RARRES1: variants seen among roughly 807,000 people sequenced by gnomAD.
RARRES1 encodes the protein retinoic acid receptor responder protein 1.
In RARRES1, 34 loss-of-function variants were observed where a neutral mutation model predicts 30.6. The observed-to-expected ratio is 1.11, with a 90% CI of 0.84 to 1.48. RARRES1 has a LOEUF of 1.48. Ranked by LOEUF, RARRES1 falls within the 40% of genes most tolerant of loss-of-function variation. The pLI, the probability that RARRES1 is intolerant of heterozygous loss-of-function variation, is 0.00. For synonymous variants in RARRES1, 153 were observed against 155.5 expected (o/e 0.98, Z 0.12); for missense variants, 373 against 386.5 (o/e 0.97, Z 0.29).
In RARRES1 at chr3:158,732,196, A is replaced by G. The variant is rs1421444552; in HGVS notation, c.220T>C (p.Ser74Pro). The part of the protein sequence containing the change: ...RAALHFFNFR[S>P]GSPSALRVLA... Reference sequence around the variant, plus strand: ...ACTCGTAGCGCGCTGGGCGAGCCGGACCGGAAGTTGAAGAAGTGAAGCGCC... The same window carrying G: ...ACTCGTAGCGCGCTGGGCGAGCCGGGCCGGAAGTTGAAGAAGTGAAGCGCC... The change falls in exon 1 of 6, where the codon TCC becomes CCC. Residue 74 changes from serine to proline, a missense_variant. Coordinates refer to ENST00000237696, the MANE Select transcript of RARRES1 (RefSeq NM_206963.2). The G allele has an allele frequency of 6.3e-6, 9 of 1,422,042 alleles. No individual in the cohort carries two copies. The Admixed American group carries it at 1.2e-4, about 18-fold the overall frequency. 88.1% of individuals were successfully genotyped at this position (1,422,042 alleles called of 1,614,324 possible). A position where few individuals can be genotyped will look rare whatever the true frequency, so the allele number is the denominator to read the frequency against.
At chr3:158,717,661 C>T (rs771531827) in intron 1 of RARRES1, among the ~76,000 whole-genome samples, 1 of 152,144 alleles carries the variant, frequency 6.6e-6, no homozygotes, top group Non-Finnish European at 1.5e-5. Flanking sequence ...TTGAAAAGAT[C>T]CCTCTAGCTG....
intron 1 of RARRES1, among the ~76,000 whole-genome samples, chr3:158,719,269 A>ATTT (rs574609197): frequency 3.3e-5 from 4 of 122,142 alleles, no homozygotes; most frequent in Non-Finnish European, 6.8e-5. Flanking sequence ...TTATGCTCTA[A>ATTT]TTTTTTTTTT....
chr3:158,730,685 C>G (rs746566066), intron 1 of RARRES1, among the ~76,000 whole-genome samples: 1 of 152,152 alleles, frequency 6.6e-6, no homozygotes. Context: ...CTCCTGAGCT[C>G]AAGCGATTTG....
At position 158,697,923 on chromosome 3, in the gene RARRES1, A is replaced by G. The variant is rs1223943350; in HGVS notation, c.720T>C (p.His240=). 1.3e-6 allele frequency: 2 copies of G among 1,554,138 alleles called. No homozygotes were observed. Among genetic ancestry groups the G allele is most frequent in the East Asian group, 2.2e-5 (1 of 44,560 alleles). Residue 240 remains histidine (H), a synonymous_variant, in exon 5 of 6, where the codon CAT becomes CAC. Coordinates refer to ENST00000237696, the MANE Select transcript of RARRES1 (RefSeq NM_206963.2). ...TATGTTTTACCTGTGTTGATAATTC[A>G]TGAAGTAGAACAGTATAATCAAAAT... The part of the protein sequence containing the change: ...TIDFDYTVLL[H]ELSTQEIIPC...
intron 2 of RARRES1, 86 bp from the exon 3 acceptor site, chr3:158,711,019 C>T (rs1188968352): frequency 1.7e-6 from 2 of 1,169,222 alleles, no homozygotes; most frequent in Non-Finnish European, 2.4e-6. Flanking sequence ...GTTCATTGTA[C>T]AAGGCAGGCA....
rs1727572273 is a variant in RARRES1 at position 158,723,189 on chromosome 3, C to T, written c.276+8951G>A. Among the ~76,000 whole-genome samples, 1 of 152,188 alleles carries T rather than the reference C, an allele frequency of 6.6e-6. No individual in the cohort carries two copies. On this transcript the variant is annotated intron_variant, in intron 1 of 5. Transcript: ENST00000237696. The surrounding 1 kb of genome is among the most constrained non-coding windows in gnomAD (Gnocchi z 4.4). ...CAGTGGGTGGGTGGGGACGAGCTCA[C>T]AGGTAATTCCAGTCTCCCTCCACGC...
intron 1 of RARRES1, among the ~76,000 whole-genome samples, chr3:158,730,700 C>T (rs1314641351): frequency 2.0e-5 from 3 of 152,124 alleles, no homozygotes; most frequent in Non-Finnish European, 4.4e-5. Flanking sequence ...GATTTGCCCA[C>T]CTCGGCCTCC....
intron 2 of RARRES1, 77 bp downstream of exon 2, chr3:158,713,720 T>G: frequency 1.4e-6 from 2 of 1,388,142 alleles, no homozygotes; most frequent in Non-Finnish European, 2.0e-6. Context: ...TCACTATATA[T>G]TAAGATTCTC....
chr3:158,700,132 G>A (rs1726675395), intron 4 of RARRES1, among the ~76,000 whole-genome samples: 1 of 151,940 alleles, frequency 6.6e-6, no homozygotes, highest in African/African-American at 2.4e-5. Context: ...CCAGGAGTTC[G>A]AGACCAGCAT....
In RARRES1 at chr3:158,713,958, G is replaced by A. The variant is rs1576815871; in HGVS notation, c.277-99C>T. The A allele has an allele frequency of 6.4e-6, 7 of 1,098,032 alleles. No individual in the cohort carries two copies. In the East Asian group the frequency reaches 1.7e-4, roughly 26 times the overall value. 68.0% of individuals were successfully genotyped at this position (1,098,032 alleles called of 1,614,324 possible). A position where few individuals can be genotyped will look rare whatever the true frequency, so the allele number is the denominator to read the frequency against. On this transcript the variant is annotated intron_variant, in intron 1 of 5. Transcript: ENST00000237696. ...TAGGATAACATGGCATGCAAATGGT[G>A]GCTGTAGCATTTATACCTGAATAAA...
intron 4 of RARRES1, among the ~76,000 whole-genome samples, chr3:158,699,899 T>C (rs1002723101): frequency 2.0e-5 from 3 of 152,164 alleles, no homozygotes; most frequent in Admixed American, 6.5e-5. Context: ...AGACCTTCAT[T>C]TGGTGGCTGT....
intron 1 of RARRES1, among the ~76,000 whole-genome samples, chr3:158,730,594 G>A (rs1052206625): frequency 2.6e-5 from 4 of 151,080 alleles, no homozygotes; most frequent in Non-Finnish European, 5.9e-5. Flanking sequence ...CCACCACATC[G>A]GCTAATTTTT....
intron 1 of RARRES1, 33 bp downstream of exon 1, chr3:158,732,106 AG>A: frequency 7.6e-6 from 10 of 1,310,864 alleles, no homozygotes; most frequent in Non-Finnish European, 9.7e-6. Context: ...GCGGACAGGC[AG>A]GCGCGTGCCC....
chr3:158,715,528 A>G (rs751717877), intron 1 of RARRES1, among the ~76,000 whole-genome samples: 3 of 152,220 alleles, frequency 2.0e-5, no homozygotes, highest in Non-Finnish European at 4.4e-5. Flanking sequence ...GAAGAGTAAC[A>G]TTAAACATAT....
chr3:158,713,973 A>T, intron 1 of RARRES1, 114 bp from the exon 2 acceptor site: 2 of 943,488 alleles, frequency 2.1e-6, no homozygotes, highest in East Asian at 4.9e-5. Context: ...TAGCATTTAT[A>T]CCTGAATAAA....
At chr3:158,720,233 GGTGT>G (rs781535998) in intron 1 of RARRES1, among the ~76,000 whole-genome samples, 2,229 of 139,328 alleles carry the variant, frequency 0.016, 55 homozygotes, top group African/African-American at 0.055. Context: ...GCTGGCTGCT[GGTGT>G]GTGTGTGTGT....
intron 1 of RARRES1, among the ~76,000 whole-genome samples, chr3:158,717,499 G>A (rs1435445980): frequency 6.6e-6 from 1 of 152,370 alleles, no homozygotes; most frequent in Non-Finnish European, 1.5e-5. Flanking sequence ...GCAAGGGCCT[G>A]AGGAGCAGCC....
intron 3 of RARRES1, among the ~76,000 whole-genome samples, chr3:158,710,189 G>A (rs1177865581): frequency 6.6e-6 from 1 of 151,066 alleles, no homozygotes; most frequent in Non-Finnish European, 1.5e-5. Flanking sequence ...CCCTCATTCT[G>A]GGATGGAAAA....
chr3:158,716,363 C>T lies in RARRES1; in HGVS notation c.277-2504G>A, dbSNP rs181608432. Among the ~76,000 whole-genome samples, 635 of 152,218 alleles carry T rather than the reference C, an allele frequency of 4.2e-3. 2 individuals are homozygous for T. The highest frequency in any genetic ancestry group is 4.9e-3 in the Non-Finnish European group (331 of 68,022). On this transcript the variant is annotated intron_variant, in intron 1 of 5. Coordinates refer to ENST00000237696, the MANE Select transcript of RARRES1 (RefSeq NM_206963.2). The stretch of plus-strand genomic sequence containing the variant: ...TCAGCCTTCACGCCAGTGATACATT[C>T]GGGCATGGTTATATGCTATGCAAAA...
Sources: gnomAD v4.1 joint callset for allele counts (sites outside exome capture counted in the v4.1 genomes callset) on GRCh38, gnomAD v4.1.1 for gene constraint, Gnocchi (gnomAD v3.1) non-coding constraint, MANE v1.5 for transcripts, NCBI Gene and HGNC (gene_info 2026-07-23, HGNC 2026-07-21) for gene names.